The following TSNARE1 variants were observed in gnomAD, a reference collection of about 807,000 sequenced individuals.
TSNARE1 encodes the protein t-SNARE domain-containing protein 1.
Under a neutral mutation model 62.0 loss-of-function variants are expected in TSNARE1, and 49 were observed. The ratio of observed to expected loss-of-function variants is 0.79; its 90% CI spans 0.63 to 1.00. The LOEUF is 1.00. Among genes scored for constraint, TSNARE1 ranks in the 50% least tolerant of loss-of-function variants. The pLI, the probability that TSNARE1 is intolerant of heterozygous loss-of-function variation, is 0.00. For synonymous variants in TSNARE1, 328 were observed against 294.4 expected, an observed-to-expected ratio of 1.11 and a Z score of -1.17; for missense variants, 755 against 700.1, an observed-to-expected ratio of 1.08 and a Z score of -0.88.
chr8:142,300,841 C>T (rs1213374808), intron 9 of TSNARE1, among the ~76,000 whole-genome samples, 197 bp from the exon 10 acceptor site: 2 of 152,182 alleles, frequency 1.3e-5, no homozygotes, highest in African/African-American at 2.4e-5. Flanking sequence ...TCCCAGGCGC[C>T]GGTCACCTGG....
Position 142,274,581 on chromosome 8 carries a change from C to T in TSNARE1, c.1446+200G>A, listed in dbSNP as rs563782948. On this transcript the variant is annotated intron_variant, in intron 12 of 13. Transcript: ENST00000524325. ...ACGGTGCCGACCGCTGTGGGCACCA[C>T]GCAGACCACTGCTGCCGCAACCCCG... is the stretch of plus-strand genomic sequence containing the variant. 23 of 985,280 alleles carry T rather than the reference C, an allele frequency of 2.3e-5. No individual in the cohort carries two copies. The South Asian group carries it at 7.5e-4, about 32-fold the overall frequency. The allele number at this position is 985,280 out of a possible 1,614,324, so 61.0% of individuals were successfully genotyped here.
intron 1 of TSNARE1, among the ~76,000 whole-genome samples, chr8:142,382,840 G>C (rs565104550): frequency 6.6e-6 from 1 of 152,352 alleles, no homozygotes; most frequent in South Asian, 2.1e-4. Flanking sequence ...TCCTTCCACA[G>C]ATCACAGAGT....
intron 1 of TSNARE1, among the ~76,000 whole-genome samples, chr8:142,389,059 G>A (rs764016135): frequency 6.6e-5 from 10 of 152,156 alleles, no homozygotes; most frequent in Non-Finnish European, 1.2e-4. Flanking sequence ...CAGACAAACA[G>A]CCTAACGAAA....
chr8:142,345,716 CT>C, intron 3 of TSNARE1, 26 bp downstream of exon 3: 1 of 1,555,408 alleles, frequency 6.4e-7, no homozygotes, highest in East Asian at 2.4e-5. Flanking sequence ...CCCAGGACCC[CT>C]GAGACCCAGC....
intron 12 of TSNARE1, among the ~76,000 whole-genome samples, chr8:142,238,007 T>C (rs1019443571): frequency 3.3e-5 from 5 of 150,962 alleles, no homozygotes; most frequent in African/African-American, 1.2e-4. Flanking sequence ...CAGGTCTCCA[T>C]GCATCTGACT....
rs763745840 is a variant in TSNARE1 at position 142,315,009 on chromosome 8, C to T, written c.1068G>A (p.Val356=). Residue 356 remains valine (V), a synonymous_variant, in exon 8 of 14, where the codon GTG becomes GTA. Coordinates refer to ENST00000524325, the MANE Select transcript of TSNARE1 (RefSeq NM_145003.5). ...LSDAIQCYGV[V]QKKIAEKSRA... ...GCCCCCACCAGCACCTCACCTTCTG[C>T]ACCACTCCATAGCACTGAATGGCAT... 6.2e-7 allele frequency: 1 copy of T among 1,614,028 alleles called. No individual in the cohort carries two copies. Among genetic ancestry groups the T allele is most frequent in the Admixed American group, 1.7e-5 (1 of 60,000 alleles).
chr8:142,269,530 T>C, intron 12 of TSNARE1: 1 of 984,862 alleles, frequency 1.0e-6, no homozygotes, highest in Non-Finnish European at 1.2e-6. Context: ...GGTTTTGCTA[T>C]GCTGTCCAGG....
intron 12 of TSNARE1, chr8:142,273,905 C>T: frequency 1.0e-6 from 1 of 985,294 alleles, no homozygotes; most frequent in African/African-American, 1.7e-5. Context: ...GTCACACCTG[C>T]CTGTGATGTC....
intron 1 of TSNARE1, among the ~76,000 whole-genome samples, chr8:142,382,153 T>C (rs1250783407): frequency 6.6e-6 from 1 of 152,066 alleles, no homozygotes; most frequent in Non-Finnish European, 1.5e-5. Context: ...GCGTGTGTGC[T>C]CATGTGTGCG....
upstream of TSNARE1, chr8:142,403,661 C>G (rs983431037): frequency 2.0e-5 from 3 of 152,228 alleles, no homozygotes; most frequent in Admixed American, 6.5e-5. Flanking sequence ...CGTGCTCGGC[C>G]GGGGGCTGGC....
At position 142,329,960 on chromosome 8, in the gene TSNARE1, C is replaced by G. The variant is rs147116369; in HGVS notation, c.893+941G>C. On this transcript the variant is annotated intron_variant, in intron 6 of 13. Coordinates refer to ENST00000524325, the MANE Select transcript of TSNARE1 (RefSeq NM_145003.5). ...TGAACGGAGCCGCCGTGAGGAGGAG[C>G]AGAGACTCCAGCACCCTCCACCCTT... Among the ~76,000 whole-genome samples the G allele has an allele frequency of 3.9e-3, 595 of 152,358 alleles. 5 individuals are homozygous for G. Among genetic ancestry groups the G allele is most frequent in the African/African-American group, 0.013 (552 of 41,586 alleles).
intron 1 of TSNARE1, among the ~76,000 whole-genome samples, chr8:142,391,931 G>A (rs926737409): frequency 6.6e-6 from 1 of 152,240 alleles, no homozygotes; most frequent in African/African-American, 2.4e-5. Context: ...CAGAGGCACC[G>A]CCAGCCACAG....
intron 1 of TSNARE1, among the ~76,000 whole-genome samples, chr8:142,379,140 C>T (rs1836546160): frequency 1.3e-5 from 2 of 152,236 alleles, no homozygotes; most frequent in South Asian, 4.1e-4. Flanking sequence ...GTCCTCCCAC[C>T]CCACGTCAGC....
chr8:142,244,230 C>T (rs189421747), intron 12 of TSNARE1, among the ~76,000 whole-genome samples: 1 of 152,232 alleles, frequency 6.6e-6, no homozygotes, highest in African/African-American at 2.4e-5. Context: ...TCACAGGAAA[C>T]CTAAAAAATT....
intron 4 of TSNARE1, among the ~76,000 whole-genome samples, chr8:142,333,270 CG>C (rs764821221): frequency 6.6e-6 from 1 of 152,116 alleles, no homozygotes; most frequent in Non-Finnish European, 1.5e-5. Context: ...GAAGGAAGCA[CG>C]GGGGGCCGAG....
intron 4 of TSNARE1, among the ~76,000 whole-genome samples, chr8:142,338,328 T>C (rs891218898): frequency 3.3e-5 from 5 of 152,226 alleles, no homozygotes. Context: ...GGTCCCCACC[T>C]GCTCTTCACT....
At chr8:142,336,586 G>C (rs1341872438) in intron 4 of TSNARE1, among the ~76,000 whole-genome samples, 1 of 152,140 alleles carries the variant, frequency 6.6e-6, no homozygotes, top group Non-Finnish European at 1.5e-5. Flanking sequence ...AAAACTGATA[G>C]AACTGGAAAG....
chr8:142,314,446 G>GA lies in TSNARE1; in HGVS notation c.1075-7dup. 1.9e-6 allele frequency: 3 copies of GA among 1,613,170 alleles called. No individual in the cohort carries two copies. The highest frequency in any genetic ancestry group is 2.5e-6 in the Non-Finnish European group (3 of 1,179,650). ...CTGGACTTTTCTGCAATTTTCTGTT[G>GA]AAAAAAGGACAAGAGAAGAAAGACA... On this transcript the variant is annotated splice_polypyrimidine_tract_variant and splice_region_variant and intron_variant, in intron 8 of 13. Coordinates refer to ENST00000524325, the MANE Select transcript of TSNARE1 (RefSeq NM_145003.5).
chr8:142,381,454 T>C (rs1333583530), intron 1 of TSNARE1, among the ~76,000 whole-genome samples: 1 of 148,678 alleles, frequency 6.7e-6, no homozygotes, highest in Non-Finnish European at 1.5e-5. Flanking sequence ...CTCCCCTTGC[T>C]AAAACCTATC....
Sources: gnomAD v4.1 joint callset for allele counts (sites outside exome capture counted in the v4.1 genomes callset) on GRCh38, gnomAD v4.1.1 for gene constraint, MANE v1.5 for transcripts, NCBI Gene and HGNC (gene_info 2026-07-23, HGNC 2026-07-21) for gene names.